The following HNRNPAB variants were observed in gnomAD, a reference collection of about 807,000 sequenced individuals.
HNRNPAB encodes the protein ABBP-1.
In HNRNPAB, 17 loss-of-function variants were observed where a neutral mutation model predicts 44.1. That is an observed-to-expected ratio of 0.39 (90% CI 0.26 to 0.58). The LOEUF (loss-of-function observed/expected upper bound fraction) is 0.58. Among genes scored for constraint, HNRNPAB ranks in the 20% least tolerant of loss-of-function variants. The pLI is 0.63. For synonymous variants in HNRNPAB, 183 were observed against 167.6 expected, an observed-to-expected ratio of 1.09 and a Z score of -0.71; for missense variants, 393 against 432.7, an observed-to-expected ratio of 0.91 and a Z score of 0.81.
intron 2 of HNRNPAB, chr5:178,205,614 C>A (rs1310776464): frequency 4.0e-6 from 2 of 505,456 alleles, no homozygotes; most frequent in African/African-American, 3.8e-5. Flanking sequence ...GAGGTGGTCC[C>A]TTCTTTGCTT....
Position 178,210,145 on chromosome 5 carries a change from TTGGAATCAGGGCTACGGCAACTAC to T in HNRNPAB, c.807_830del (p.Asn274_Gly281del), listed in dbSNP as rs752007225. On this transcript the variant is annotated inframe_deletion, in exon 7 of 8. Coordinates refer to ENST00000358344, the MANE Select transcript of HNRNPAB (RefSeq NM_031266.3). ...CTCCCCCCACAGGTCAGAGTCAGAG[TTGGAATCAGGGCTACGGCAACTAC>T]TGGAACCAGGGCTACGGCTACCAGC... 16 of 1,613,958 alleles carry T rather than the reference TTGGAATCAGGGCTACGGCAACTAC, an allele frequency of 9.9e-6. No individual in the cohort carries two copies. Among genetic ancestry groups the T allele is most frequent in the Admixed American group, 1.7e-5 (1 of 59,996 alleles).
At position 178,205,920 on chromosome 5, in the gene HNRNPAB, C is replaced by G; in HGVS notation, c.288C>G (p.Val96=). The change falls in exon 3 of 8, where the codon GTC becomes GTG. Residue 96 remains valine (V), a synonymous_variant. Transcript: ENST00000358344. ...ACTATTTTACTAAATTTGGAGAGGT[C>G]GTTGACTGTACAATAAAAATGGATC... ...LKDYFTKFGE[V]VDCTIKMDPN... 6.2e-7 allele frequency: 1 copy of G among 1,613,958 alleles called. No homozygotes were observed. The highest frequency in any genetic ancestry group is 8.5e-7 in the Non-Finnish European group (1 of 1,179,876).
intron 5 of HNRNPAB, chr5:178,208,468 TAGTG>T (rs1459069326): frequency 2.0e-5 from 3 of 152,172 alleles, no homozygotes; most frequent in Non-Finnish European, 4.4e-5. Flanking sequence ...AAACTACTGG[TAGTG>T]AGTCTTAGGA....
chr5:178,209,328 A>G lies in HNRNPAB; in HGVS notation c.670-2A>G, dbSNP rs1349639453. On this transcript the variant is annotated splice_acceptor_variant, in intron 5 of 7. Transcript: ENST00000358344. LOFTEE classifies it high-confidence loss of function. ...CCTGACCACTGTCCTCTTGACTTTT[A>G]GTGTGAGATCAAGGTGGCCCAGCCC... The G allele has an allele frequency of 6.2e-7, 1 of 1,613,696 alleles. No individual in the cohort carries two copies. The highest frequency in any genetic ancestry group is 8.5e-7 in the Non-Finnish European group (1 of 1,179,612).
chr5:178,206,658 C>A, intron 3 of HNRNPAB, 74 bp from the exon 4 acceptor site: 1 of 1,457,880 alleles, frequency 6.9e-7, no homozygotes, highest in Non-Finnish European at 9.5e-7. Context: ...GTACTGGTGT[C>A]TTTATGGCTT....
At position 178,210,926 on chromosome 5, in the gene HNRNPAB, C is replaced by T. The variant is rs1758122105; in HGVS notation, c.*303C>T. 1 of 410,472 alleles carries T rather than the reference C, an allele frequency of 2.4e-6. No individual in the cohort carries two copies. Among genetic ancestry groups the T allele is most frequent in the East Asian group, 4.5e-5 (1 of 22,330 alleles). The allele number at this position is 410,472 out of a possible 1,614,324, so 25.4% of individuals were successfully genotyped here. On this transcript the variant is annotated 3_prime_UTR_variant, in exon 8 of 8. Coordinates refer to ENST00000358344, the MANE Select transcript of HNRNPAB (RefSeq NM_031266.3). ...CCGCTCTGCAGCCTGGACCTGTGGA[C>T]CCTGGTTGTAAAGAGTAAATTGTAT...
rs1756972363 is a variant in HNRNPAB at position 178,204,608 on chromosome 5, A to C, written c.-156A>C. On this transcript the variant is annotated 5_prime_UTR_variant, in exon 1 of 8. Transcript: ENST00000358344. ...CGTGCGGCGGCGGCCAAGGAGGAGGAGACACAGTTGGAGCAGCTCCGTGGG... is the reference window on the plus strand; with the variant it reads ...CGTGCGGCGGCGGCCAAGGAGGAGGCGACACAGTTGGAGCAGCTCCGTGGG... The C allele has an allele frequency of 3.7e-6, 1 of 269,318 alleles. No individual in the cohort carries two copies. Among genetic ancestry groups the C allele is most frequent in the Non-Finnish European group, 6.9e-6 (1 of 144,516 alleles). The allele number at this position is 269,318 out of a possible 1,614,324, so 16.7% of individuals were successfully genotyped here.
intron 7 of HNRNPAB, 132 bp from the exon 8 acceptor site, chr5:178,210,421 G>T (rs1757868747): frequency 6.5e-7 from 1 of 1,531,322 alleles, no homozygotes; most frequent in African/African-American, 1.4e-5. Flanking sequence ...TTAGACTTCG[G>T]GGTCTTAATA....
chr5:178,206,923 G>GC (rs755549873), intron 4 of HNRNPAB, 33 bp downstream of exon 4: 43 of 1,609,608 alleles, frequency 2.7e-5, no homozygotes, highest in Non-Finnish European at 3.6e-5. Flanking sequence ...CCCATCAGCT[G>GC]CCCCTAAGGC....
At chr5:178,205,344 C>G (rs1457805201) in intron 2 of HNRNPAB, among the ~76,000 whole-genome samples, 5 of 151,682 alleles carry the variant, frequency 3.3e-5, no homozygotes, top group African/African-American at 4.8e-5. Flanking sequence ...GGAAAGCGCT[C>G]GGACCCGGGG....
chr5:178,210,715 TTC>T lies in HNRNPAB; in HGVS notation c.*94_*95del. The T allele has an allele frequency of 4.3e-6, 4 of 939,542 alleles. No homozygotes were observed. The highest frequency in any genetic ancestry group is 6.9e-6 in the Non-Finnish European group (4 of 577,788). The allele number at this position is 939,542 out of a possible 1,614,324, so 58.2% of individuals were successfully genotyped here. A position where few individuals can be genotyped will look rare whatever the true frequency, so the allele number is the denominator to read the frequency against. ...TGTACCAAATTTAACTTGGCAAACT[TTC>T]TATTGCCTGTCCCATGTGCATCTTA... On this transcript the variant is annotated 3_prime_UTR_variant, in exon 8 of 8. Transcript: ENST00000358344.
intron 2 of HNRNPAB, 27 bp from the exon 3 acceptor site, chr5:178,205,815 G>A (rs780151044): frequency 6.2e-7 from 1 of 1,603,192 alleles, no homozygotes; most frequent in South Asian, 1.1e-5. Flanking sequence ...AAGACTTGTT[G>A]CCGTGTGTCT....
In HNRNPAB at chr5:178,205,718, GGTGCTCCTTGCAGACT is replaced by G. The variant is rs1198539024; in HGVS notation, c.210-123_210-108del. On this transcript the variant is annotated intron_variant, in intron 2 of 7. Transcript: ENST00000358344. Reference sequence around the variant, plus strand: ...TAGTGGAGATTTAACATCTTTCTAAGGTGCTCCTTGCAGACTCTAAGGGTAGCTGTAGACTTCGTGA... The same window carrying G: ...TAGTGGAGATTTAACATCTTTCTAAGCTAAGGGTAGCTGTAGACTTCGTGA... 3 of 826,494 alleles carry G rather than the reference GGTGCTCCTTGCAGACT, an allele frequency of 3.6e-6. No homozygotes were observed. In the African/African-American group the frequency reaches 5.2e-5, roughly 14 times the overall value. 51.2% of individuals were successfully genotyped at this position (826,494 alleles called of 1,614,324 possible).
intron 6 of HNRNPAB, 71 bp from the exon 7 acceptor site, chr5:178,210,061 G>T: frequency 1.3e-6 from 2 of 1,582,128 alleles, no homozygotes; most frequent in Non-Finnish European, 1.7e-6. Flanking sequence ...CCAAAGGGCA[G>T]GATTTCCTCC....
At chr5:178,205,772 G>A (rs936254959) in intron 2 of HNRNPAB, 70 bp from the exon 3 acceptor site, 4 of 1,500,428 alleles carry the variant, frequency 2.7e-6, no homozygotes, top group Non-Finnish European at 3.7e-6. Flanking sequence ...ACTTTGCCAG[G>A]GCCAGTCCTT....
In HNRNPAB at chr5:178,210,690, T is replaced by C. The variant is rs1323173639; in HGVS notation, c.*67T>C. On this transcript the variant is annotated 3_prime_UTR_variant, in exon 8 of 8. Transcript: ENST00000358344. Reference sequence around the variant, plus strand: ...TTTGGATATGGAGTGAACACAATTATGTACCAAATTTAACTTGGCAAACTT... The same window carrying C: ...TTTGGATATGGAGTGAACACAATTACGTACCAAATTTAACTTGGCAAACTT... The C allele has an allele frequency of 3.9e-6, 5 of 1,273,368 alleles. No individual in the cohort carries two copies. Among genetic ancestry groups the C allele is most frequent in the Admixed American group, 1.7e-5 (1 of 58,610 alleles). 78.9% of individuals were successfully genotyped at this position (1,273,368 alleles called of 1,614,324 possible).
rs1175102398 is a variant in HNRNPAB at position 178,206,820 on chromosome 5, T to G, written c.467T>G (p.Ile156Ser). ...MAMKKDPVKK[I>S]FVGGLNPEAT... ...ATGAAGAAGGACCCGGTGAAGAAAA[T>G]CTTCGTTGGGGGTCTGAATCCTGAA... The change falls in exon 4 of 8, where the codon ATC (isoleucine) becomes AGC (serine). Residue 156 changes from isoleucine (I) to serine (S), a missense_variant. By Grantham distance (142) the Ile-to-Ser change is moderately radical (BLOSUM62 -2). This residue lies in a region of HNRNPAB where 102 missense variants were observed against 162.3 expected (regional missense o/e 0.63). Transcript: ENST00000358344. 1 of 1,614,042 alleles carries G rather than the reference T, an allele frequency of 6.2e-7. No homozygotes were observed. The highest frequency in any genetic ancestry group is 8.5e-7 in the Non-Finnish European group (1 of 1,180,004).
rs1038002361 is a variant in HNRNPAB at position 178,205,828 on chromosome 5, C to T, written c.210-14C>T. 1.9e-6 allele frequency: 3 copies of T among 1,610,700 alleles called. No individual in the cohort carries two copies. The highest frequency in any genetic ancestry group is 8.5e-7 in the Non-Finnish European group (1 of 1,178,016). On this transcript the variant is annotated splice_polypyrimidine_tract_variant and intron_variant, in intron 2 of 7. Coordinates refer to ENST00000358344, the MANE Select transcript of HNRNPAB (RefSeq NM_031266.3). ...ACAAGACTTGTTGCCGTGTGTCTCACCCTACCATTTCAGAAAAATGTTCGT... is the reference window on the plus strand; with the variant it reads ...ACAAGACTTGTTGCCGTGTGTCTCATCCTACCATTTCAGAAAAATGTTCGT...
Position 178,210,152 on chromosome 5 carries a change from CAG to C in HNRNPAB, c.809_810del (p.Gln270ArgfsTer43), listed in dbSNP as rs1166268017. The C allele has an allele frequency of 1.9e-6, 3 of 1,614,060 alleles. No homozygotes were observed. Among genetic ancestry groups the C allele is most frequent in the Non-Finnish European group, 1.7e-6 (2 of 1,179,902 alleles). On this transcript the variant is annotated frameshift_variant, in exon 7 of 8. Coordinates refer to ENST00000358344, the MANE Select transcript of HNRNPAB (RefSeq NM_031266.3). LOFTEE classifies it high-confidence loss of function. Reference sequence around the variant, plus strand: ...CACAGGTCAGAGTCAGAGTTGGAATCAGGGCTACGGCAACTACTGGAACCAGG... The same window carrying C: ...CACAGGTCAGAGTCAGAGTTGGAATCGGCTACGGCAACTACTGGAACCAGG... ...GGGGQSQSWN[Q>X]GYGNYWNQGY...
Sources: allele counts gnomAD v4.1 joint callset (sites outside exome capture counted in the v4.1 genomes callset), GRCh38; gene constraint gnomAD v4.1.1; regional missense constraint gnomAD v4.1.1; transcripts MANE v1.5; gene names NCBI Gene and HGNC (gene_info 2026-07-23, HGNC 2026-07-21).